Variants in SPEN observed in about 807,000 individuals in gnomAD.
SPEN encodes the protein spen family transcriptional repressor.
In SPEN, 18 loss-of-function variants were observed where a neutral mutation model predicts 269.9. The ratio of observed to expected loss-of-function variants is 0.07; its 90% CI spans 0.05 to 0.10. SPEN has a LOEUF of 0.10. Ranked by LOEUF, SPEN falls within the 10% of genes least tolerant of loss-of-function variation. The pLI, the probability that SPEN is intolerant of heterozygous loss-of-function variation, is 1.00. For missense variants in SPEN, 3,822 were observed against 4,631.2 expected (o/e 0.83, Z 5.07); for synonymous variants, 1,726 against 1,765.7 (o/e 0.98, Z 0.56).
chr1:15,851,811 C>T (rs1057333306), intron 1 of SPEN, among the ~76,000 whole-genome samples: 1 of 152,046 alleles, frequency 6.6e-6, no homozygotes, highest in Non-Finnish European at 1.5e-5. Context: ...GGTAAAACCC[C>T]GTCTCTACTA....
At chr1:15,908,326 A>C (rs1344161238) in intron 3 of SPEN, among the ~76,000 whole-genome samples, 1 of 152,072 alleles carries the variant, frequency 6.6e-6, no homozygotes, top group Non-Finnish European at 1.5e-5. Flanking sequence ...TGCCTCCCAA[A>C]GTGCTGGGAT....
chr1:15,932,806 C>T lies in SPEN; in HGVS notation c.6566C>T (p.Ala2189Val). 3 of 1,614,216 alleles carry T rather than the reference C, an allele frequency of 1.9e-6. No homozygotes were observed. Among genetic ancestry groups the T allele is most frequent in the South Asian group, 1.1e-5 (1 of 91,090 alleles). The change falls in exon 11 of 15, where the codon GCC becomes GTC. Residue 2189 changes from alanine (A) to valine (V), a missense_variant. By Grantham distance (64) the Ala-to-Val change is moderately conservative. Around this residue, in one of 16 missense-constraint regions of SPEN, gnomAD observed 727 missense variants for 737.9 expected, o/e 0.99. Coordinates refer to ENST00000375759, the MANE Select transcript of SPEN (RefSeq NM_015001.3). The surrounding 1 kb of genome is among the most constrained non-coding windows in gnomAD (Gnocchi z 4.2). ...CTCGCTGAGGCCTCTGCCTCTGCTG[C>T]CTATAAGGCAGATGCACCAGAGGGC... The part of the protein sequence containing the change: ...AKLAEASASA[A>V]YKADAPEGLA...
Position 15,918,916 on chromosome 1 carries a change from G to GT in SPEN, c.1396-4dup. 5.0e-6 allele frequency: 8 copies of GT among 1,602,906 alleles called. No individual in the cohort carries two copies. Among genetic ancestry groups the GT allele is most frequent in the South Asian group, 1.1e-5 (1 of 89,942 alleles). The stretch of plus-strand genomic sequence containing the variant: ...GCATATTGCTAAGTTGTATTCATTG[G>GT]TTTTTTCAGGATATTGACATTAAGA... On this transcript the variant is annotated splice_polypyrimidine_tract_variant and intron_variant, in intron 6 of 14. Transcript: ENST00000375759.
At chr1:15,924,354 C>T (rs1021745257) in intron 10 of SPEN, among the ~76,000 whole-genome samples, 1 of 152,172 alleles carries the variant, frequency 6.6e-6, no homozygotes, top group Non-Finnish European at 1.5e-5. Context: ...ATACAAAATC[C>T]ATTAAAATCC....
intron 6 of SPEN, among the ~76,000 whole-genome samples, chr1:15,916,657 C>T: frequency 6.6e-6 from 1 of 151,978 alleles, no homozygotes; most frequent in South Asian, 2.1e-4. Flanking sequence ...GGACTGCAGA[C>T]ATGTCCCACC....
rs757598666 is a variant in SPEN at position 15,932,266 on chromosome 1, C to G, written c.6026C>G (p.Thr2009Arg). 7 of 1,610,418 alleles carry G rather than the reference C, an allele frequency of 4.3e-6. No homozygotes were observed. Among genetic ancestry groups the G allele is most frequent in the African/African-American group, 1.3e-5 (1 of 74,598 alleles). ...AAAAATGAACCGAAGGTGGATGCTA[C>G]ACGTCCTGAGGCCACCACTGAGGTG... The part of the protein sequence containing the change: ...KGKNEPKVDA[T>R]RPEATTEVGP... The change falls in exon 11 of 15, where the codon ACA (threonine) becomes AGA (arginine). Residue 2009 changes from threonine to arginine, a missense_variant. Physicochemically the swap from Thr to Arg is moderately conservative, Grantham distance 71. Coordinates refer to ENST00000375759, the MANE Select transcript of SPEN (RefSeq NM_015001.3). The surrounding 1 kb of genome is among the most constrained non-coding windows in gnomAD (Gnocchi z 4.2).
At chr1:15,874,362 G>A in intron 2 of SPEN, 2 of 1,365,978 alleles carry the variant, frequency 1.5e-6, no homozygotes, top group Non-Finnish European at 2.0e-6. Flanking sequence ...AGATTTAATT[G>A]GGATTATAGG....
In SPEN at chr1:15,931,597, A is replaced by G. The variant is rs148683328; in HGVS notation, c.5357A>G (p.Asp1786Gly). The change falls in exon 11 of 15, where the codon GAT becomes GGT. Residue 1786 changes from aspartate to glycine, a missense_variant. Physicochemically the swap from Asp to Gly is moderately conservative, Grantham distance 94. Transcript: ENST00000375759. The surrounding 1 kb of genome is among the most constrained non-coding windows in gnomAD (Gnocchi z 4.8). ...KPDATADAEP[D>G]ANQKAEAAPE... Reference sequence around the variant, plus strand: ...GACGCCACTGCAGATGCTGAGCCTGATGCAAACCAGAAAGCCGAAGCTGCT... The same window carrying G: ...GACGCCACTGCAGATGCTGAGCCTGGTGCAAACCAGAAAGCCGAAGCTGCT... 1.9e-6 allele frequency: 3 copies of G among 1,614,036 alleles called. No individual in the cohort carries two copies. Among genetic ancestry groups the G allele is most frequent in the South Asian group, 1.1e-5 (1 of 91,086 alleles).
chr1:15,900,111 G>A (rs1157111444), intron 3 of SPEN, among the ~76,000 whole-genome samples: 1 of 152,144 alleles, frequency 6.6e-6, no homozygotes, highest in Non-Finnish European at 1.5e-5. Context: ...CTACCAAAGT[G>A]CTGGGATTAC....
chr1:15,886,462 G>A lies in SPEN; in HGVS notation c.881+9784G>A, dbSNP rs1318889299. On this transcript the variant is annotated intron_variant, in intron 3 of 14. Coordinates refer to ENST00000375759, the MANE Select transcript of SPEN (RefSeq NM_015001.3). ...CTTGTTTTGCCAGAGTTTCTCCACA[G>A]CCCTCAGTCCAGGGGCGGGGCGCAG... Among the ~76,000 whole-genome samples, 3 of 152,278 alleles carry A rather than the reference G, an allele frequency of 2.0e-5. No individual in the cohort carries two copies. In the East Asian group the frequency reaches 5.8e-4, roughly 29 times the overall value.
At chr1:15,919,304 T>G in intron 7 of SPEN, 100 bp from the exon 8 acceptor site, 2 of 801,766 alleles carry the variant, frequency 2.5e-6, no homozygotes, top group Non-Finnish European at 3.9e-6. Flanking sequence ...AGATGTTGAT[T>G]TGATAAGATT....
chr1:15,893,309 T>A (rs1005533716), intron 3 of SPEN, among the ~76,000 whole-genome samples: 5 of 152,204 alleles, frequency 3.3e-5, no homozygotes, highest in Non-Finnish European at 7.4e-5. Context: ...AGTTCTGTGA[T>A]TCTTTATATG....
chr1:15,849,922 C>T (rs953565148), intron 1 of SPEN, among the ~76,000 whole-genome samples: 1 of 152,172 alleles, frequency 6.6e-6, no homozygotes, highest in Non-Finnish European at 1.5e-5. Context: ...TGCATTGCAG[C>T]ATTCGCTCGC....
At chr1:15,869,079 G>A (rs2070546555) in intron 1 of SPEN, among the ~76,000 whole-genome samples, 1 of 152,004 alleles carries the variant, frequency 6.6e-6, no homozygotes, top group Admixed American at 6.6e-5. Flanking sequence ...TTTCGAGATG[G>A]AGTTTTGGCT....
rs1191505025 is a variant in SPEN, at chr1:15,909,470, T to G, written c.1031T>G (p.Val344Gly). ...SFGIKVQNLPVRSTDTSLKDG... is the reference protein window; with the variant it reads ...SFGIKVQNLPGRSTDTSLKDG... ...GGCATCAAGGTCCAGAATCTTCCAG[T>G]ACGCTCTACAGGTAAAATTTTGTGT... is the stretch of plus-strand genomic sequence containing the variant. The change falls in exon 4 of 15, where the codon GTA (valine) becomes GGA (glycine). Residue 344 changes from valine (V) to glycine (G), a missense_variant. Physicochemically the swap from Val to Gly is moderately radical, Grantham distance 109. Transcript: ENST00000375759. The G allele has an allele frequency of 6.2e-7, 1 of 1,614,124 alleles. No individual in the cohort carries two copies. Among genetic ancestry groups the G allele is most frequent in the South Asian group, 1.1e-5 (1 of 91,080 alleles).
At chr1:15,892,045 G>C (rs758810207) in intron 3 of SPEN, among the ~76,000 whole-genome samples, 4 of 118,722 alleles carry the variant, frequency 3.4e-5, no homozygotes, top group Non-Finnish European at 6.5e-5. Context: ...TTTGGAGATG[G>C]AGTCTCGCTC....
At chr1:15,891,567 G>A (rs1190916710) in intron 3 of SPEN, among the ~76,000 whole-genome samples, 1 of 151,982 alleles carries the variant, frequency 6.6e-6, no homozygotes, top group East Asian at 1.9e-4. Flanking sequence ...AGCCAGGATG[G>A]TCTTGATCTC....
At chr1:15,906,000 A>G (rs1449194447) in intron 3 of SPEN, among the ~76,000 whole-genome samples, 1 of 152,152 alleles carries the variant, frequency 6.6e-6, no homozygotes, top group Non-Finnish European at 1.5e-5. Context: ...ATTTTCCTTA[A>G]TGTTTACTTT....
At chr1:15,907,682 TGGG>T (rs898737888) in intron 3 of SPEN, among the ~76,000 whole-genome samples, 5 of 151,908 alleles carry the variant, frequency 3.3e-5, no homozygotes, top group African/African-American at 1.2e-4. Context: ...CTCTATAACA[TGGG>T]GGAGAATATG....
Sources: allele counts gnomAD v4.1 joint callset (sites outside exome capture counted in the v4.1 genomes callset), GRCh38; gene constraint gnomAD v4.1.1; regional missense constraint gnomAD v4.1.1; non-coding constraint Gnocchi (gnomAD v3.1); transcripts MANE v1.5; gene names NCBI Gene and HGNC (gene_info 2026-07-23, HGNC 2026-07-21).